CSF1R: variants seen among roughly 807,000 people sequenced by gnomAD.
The protein encoded by CSF1R is macrophage colony-stimulating factor 1 receptor.
In CSF1R, 40 loss-of-function variants were observed where a neutral mutation model predicts 110.0. The observed-to-expected ratio is 0.36, with a 90% CI of 0.28 to 0.47. The LOEUF is 0.47. CSF1R is among the 20% of genes least tolerant of loss of function. The pLI is 0.99. For missense variants in CSF1R, 1,052 were observed against 1,253.0 expected (o/e 0.84, Z 2.42); for synonymous variants, 523 against 503.4 (o/e 1.04, Z -0.52).
chr5:150,080,479 C>T lies in CSF1R; in HGVS notation c.308-143G>A, dbSNP rs1431946741. On this transcript the variant is annotated intron_variant, in intron 2 of 20. Coordinates refer to ENST00000675795, the MANE Select transcript of CSF1R (RefSeq NM_001288705.3). ...CGCCAGGACAGTTCAGCGGATGCTT[C>T]AGCGTGGTGGCTCCAGAGTCAGGCG... is the stretch of plus-strand genomic sequence containing the variant. 3 of 1,184,806 alleles carry T rather than the reference C, an allele frequency of 2.5e-6. No individual in the cohort carries two copies. In the African/African-American group the frequency reaches 4.6e-5, roughly 18 times the overall value. The allele number at this position is 1,184,806 out of a possible 1,614,324, so 73.4% of individuals were successfully genotyped here.
intron 12 of CSF1R, 89 bp downstream of exon 12, chr5:150,061,402 G>T: frequency 2.6e-6 from 3 of 1,154,976 alleles, no homozygotes; most frequent in Non-Finnish European, 3.7e-6. Flanking sequence ...AGGTTGAAAT[G>T]TGTGTGATGC....
chr5:150,069,115 C>T (rs968210227), intron 9 of CSF1R, among the ~76,000 whole-genome samples: 4 of 152,218 alleles, frequency 2.6e-5, no homozygotes, highest in South Asian at 2.1e-4. Flanking sequence ...TGAGGCCCAG[C>T]GCGGCCGCAG....
chr5:150,073,216 G>A, intron 6 of CSF1R, 85 bp downstream of exon 6: 1 of 1,385,586 alleles, frequency 7.2e-7, no homozygotes, highest in Non-Finnish European at 1.0e-6. Context: ...ACCAAGGTTG[G>A]GACATGAGCC....
chr5:150,060,276 G>C (rs1352765245), intron 13 of CSF1R, among the ~76,000 whole-genome samples: 1 of 150,260 alleles, frequency 6.7e-6, no homozygotes, highest in Non-Finnish European at 1.5e-5. Flanking sequence ...GCAGTGAGCC[G>C]AGATCGCACC....
At chr5:150,087,725 T>C (rs768154088), upstream of CSF1R, among the ~76,000 whole-genome samples, 27 of 151,902 alleles carry the variant, frequency 1.8e-4, no homozygotes, top group Non-Finnish European at 3.7e-4. Flanking sequence ...TGGTCATTTC[T>C]TCTTCTTTTT....
At position 150,070,217 on chromosome 5, in the gene CSF1R, G is replaced by A. The variant is rs545534658; in HGVS notation, c.1284C>T (p.Asn428=). The A allele has an allele frequency of 7.2e-5, 116 of 1,614,118 alleles. No homozygotes were observed. The highest frequency in any genetic ancestry group is 2.8e-4 in the Admixed American group (17 of 60,024). ...GGCCACTGCACTGCAGCCATGTCAC[G>A]TTGGGCTGGGGGTACCCAGAGGCAG... is the stretch of plus-strand genomic sequence containing the variant. The part of the protein sequence containing the change: ...LCAASGYPQP[N]VTWLQCSGHT... The change falls in exon 8 of 21, where the codon AAC becomes AAT. Residue 428 remains asparagine (N), a synonymous_variant. Transcript: ENST00000675795.
At chr5:150,081,995 A>T (rs748387177) in intron 1 of CSF1R, among the ~76,000 whole-genome samples, 2 of 152,180 alleles carry the variant, frequency 1.3e-5, no homozygotes, top group Non-Finnish European at 2.9e-5. Flanking sequence ...GGGCGGAAAC[A>T]CATTGTTGGC....
chr5:150,094,774 G>C (rs1482915608), intron 1 of CSF1R: 6 of 1,595,912 alleles, frequency 3.8e-6, no homozygotes, highest in Non-Finnish European at 5.1e-6. Flanking sequence ...TACAAGCGTG[G>C]TTATGGCAAA....
intron 6 of CSF1R, among the ~76,000 whole-genome samples, chr5:150,072,845 A>G (rs752055249): frequency 1.3e-5 from 2 of 152,170 alleles, no homozygotes; most frequent in Non-Finnish European, 2.9e-5. Context: ...AGAACATTTC[A>G]TGTATCTGTG....
chr5:150,083,284 C>T (rs1270317668), intron 1 of CSF1R, among the ~76,000 whole-genome samples: 2 of 151,150 alleles, frequency 1.3e-5, no homozygotes, highest in Non-Finnish European at 2.9e-5. Flanking sequence ...CACTAGCTCC[C>T]ACTTGCCTGG....
Position 150,054,078 on chromosome 5 carries a change from C to CTGAT in CSF1R, c.2906_2909dup (p.Phe971SerfsTer7), listed in dbSNP as rs766047383. ...CCCTGTCGTCAACTCCTCAGCAGAA[C>CTGAT]TGATAGTTGTTGGGCTGCAGCAAGG... On this transcript the variant is annotated frameshift_variant, in exon 21 of 21. Transcript: ENST00000675795. LOFTEE classifies it high-confidence loss of function. The CTGAT allele has an allele frequency of 1.2e-5, 20 of 1,614,034 alleles. 1 individual carries two copies. The East Asian group carries it at 3.6e-4, about 29-fold the overall frequency.
chr5:150,057,445 C>T, intron 15 of CSF1R, 59 bp downstream of exon 15: 2 of 1,610,844 alleles, frequency 1.2e-6, no homozygotes, highest in Non-Finnish European at 1.7e-6. Flanking sequence ...ACCCCAGCAG[C>T]CCCTTCTCCT....
At chr5:150,095,012 G>A in intron 1 of CSF1R, 1 of 905,902 alleles carries the variant, frequency 1.1e-6, no homozygotes, top group Non-Finnish European at 1.7e-6. Flanking sequence ...GCAACAGGGA[G>A]GACCAGATCA....
At chr5:150,088,371 C>G (rs1458813494), upstream of CSF1R, among the ~76,000 whole-genome samples, 1 of 152,114 alleles carries the variant, frequency 6.6e-6, no homozygotes, top group Non-Finnish European at 1.5e-5. Flanking sequence ...AGAATTAATA[C>G]CAATCCTTTT....
chr5:150,093,158 A>C (rs998201730), intron 1 of CSF1R, among the ~76,000 whole-genome samples: 1 of 152,148 alleles, frequency 6.6e-6, no homozygotes, highest in Non-Finnish European at 1.5e-5. Context: ...GGCTCACTGC[A>C]ACTTCCACCT....
chr5:150,057,724 T>TC, intron 14 of CSF1R, 132 bp from the exon 15 acceptor site: 1 of 659,316 alleles, frequency 1.5e-6, no homozygotes, highest in East Asian at 2.7e-5. Context: ...CCTGCCACAC[T>TC]CCATCTGAGT....
At chr5:150,057,416 G>A (rs762540571) in intron 15 of CSF1R, 32 bp from the exon 16 acceptor site, 1 of 1,611,066 alleles carries the variant, frequency 6.2e-7, no homozygotes, top group South Asian at 1.1e-5. Context: ...GGGCAGCCCT[G>A]CCACACTCCC....
At chr5:150,070,681 AT>A in intron 6 of CSF1R, 110 bp from the exon 7 acceptor site, 1 of 765,192 alleles carries the variant, frequency 1.3e-6, no homozygotes, top group Non-Finnish European at 1.9e-6. Context: ...TTGGTAAAAT[AT>A]TCAGGGCCCA....
chr5:150,066,227 CAG>C (rs1244589630), intron 10 of CSF1R, among the ~76,000 whole-genome samples: 9 of 152,300 alleles, frequency 5.9e-5, no homozygotes, highest in African/African-American at 2.2e-4. Flanking sequence ...GCTCCCATCA[CAG>C]AGACTGTCTC....
Sources: gnomAD v4.1 joint callset for allele counts (sites outside exome capture counted in the v4.1 genomes callset) on GRCh38, gnomAD v4.1.1 for gene constraint, MANE v1.5 for transcripts, NCBI Gene and HGNC (gene_info 2026-07-23, HGNC 2026-07-21) for gene names.